The following PDCD1LG2 variants were observed in gnomAD, a reference collection of about 807,000 sequenced individuals.
The protein encoded by PDCD1LG2 is B7 dendritic cell molecule.
In PDCD1LG2, 32 loss-of-function variants were observed where a neutral mutation model predicts 28.2. That is an observed-to-expected ratio of 1.13 (90% CI 0.86 to 1.52). PDCD1LG2 has a LOEUF of 1.52. Ranked by LOEUF, PDCD1LG2 falls within the 40% of genes most tolerant of loss-of-function variation. The pLI, the probability that PDCD1LG2 is intolerant of heterozygous loss-of-function variation, is 0.00. For missense variants in PDCD1LG2, 385 were observed against 323.8 expected (o/e 1.19, Z -1.45); for synonymous variants, 116 against 120.2 (o/e 0.97, Z 0.23).
At chr9:5,554,035 T>C (rs1009761) in intron 4 of PDCD1LG2, among the ~76,000 whole-genome samples, 49,421 of 151,994 alleles carry the variant, frequency 0.33, 8,394 homozygotes, top group African/African-American at 0.41. Context: ...GGCAGCTCAG[T>C]CACTCCAGGG....
intron 4 of PDCD1LG2, among the ~76,000 whole-genome samples, chr9:5,550,753 G>C (rs1015611474): frequency 2.0e-5 from 3 of 151,806 alleles, no homozygotes; most frequent in African/African-American, 7.3e-5. Context: ...GAATGCAGTG[G>C]CACGATCCCG....
intron 4 of PDCD1LG2, among the ~76,000 whole-genome samples, chr9:5,554,263 T>A (rs753254928): frequency 6.6e-6 from 1 of 152,182 alleles, no homozygotes; most frequent in Non-Finnish European, 1.5e-5. Flanking sequence ...GGAGATTCCA[T>A]CTTAGATAAT....
chr9:5,518,523 C>G (rs184914018), intron 1 of PDCD1LG2, among the ~76,000 whole-genome samples: 3 of 152,354 alleles, frequency 2.0e-5, no homozygotes, highest in Admixed American at 2.0e-4. Flanking sequence ...TGATACCTTT[C>G]TTGGATATAT....
rs2129794260 is a variant in PDCD1LG2 at position 5,534,907 on chromosome 9, C to T, written c.218C>T (p.Ala73Val). Residue 73 changes from alanine (A) to valine (V), a missense_variant, in exon 3 of 7, where the codon GCC (alanine) becomes GTC (valine). Coordinates refer to ENST00000397747, the MANE Select transcript of PDCD1LG2 (RefSeq NM_025239.4). ...ENDTSPHRER[A>V]TLLEEQLPLG... is the part of the protein sequence containing the mutation. The stretch of plus-strand genomic sequence containing the variant: ...GATACATCCCCACACCGTGAAAGAG[C>T]CACTTTGCTGGAGGAGCAGCTGCCC... 3 of 1,614,106 alleles carry T rather than the reference C, an allele frequency of 1.9e-6. No individual in the cohort carries two copies. Among genetic ancestry groups the T allele is most frequent in the Non-Finnish European group, 2.5e-6 (3 of 1,180,014 alleles).
Position 5,570,361 on chromosome 9 carries a change from G to C in PDCD1LG2, c.*402G>C, listed in dbSNP as rs190747810. On this transcript the variant is annotated 3_prime_UTR_variant, in exon 7 of 7. Transcript: ENST00000397747. ...TTCCAGTAACAGAAACAGATGGGTT[G>C]CCAATAGAGTTATTTTTTATCTATA... 2 of 249,540 alleles carry C rather than the reference G, an allele frequency of 8.0e-6. No homozygotes were observed. The highest frequency in any genetic ancestry group is 1.6e-5 in the Non-Finnish European group (2 of 128,048). The allele number at this position is 249,540 out of a possible 1,614,324, so 15.5% of individuals were successfully genotyped here.
intron 2 of PDCD1LG2, among the ~76,000 whole-genome samples, chr9:5,525,857 GCC>G (rs1820366062): frequency 2.0e-5 from 3 of 151,948 alleles, no homozygotes; most frequent in Admixed American, 2.0e-4. Context: ...GACCAGCCTG[GCC>G]CGCATGGTGA....
intron 6 of PDCD1LG2, among the ~76,000 whole-genome samples, chr9:5,564,212 A>C (rs1392744951): frequency 6.6e-6 from 1 of 152,222 alleles, no homozygotes; most frequent in Non-Finnish European, 1.5e-5. Flanking sequence ...ATACCTGTTC[A>C]TGCATGAACA....
At chr9:5,568,631 T>A (rs935163702) in intron 6 of PDCD1LG2, among the ~76,000 whole-genome samples, 2 of 152,186 alleles carry the variant, frequency 1.3e-5, no homozygotes, top group Non-Finnish European at 1.5e-5. Flanking sequence ...AGCTCTCAAA[T>A]TATCCCTATG....
At chr9:5,567,835 G>A (rs559923402) in intron 6 of PDCD1LG2, among the ~76,000 whole-genome samples, 21 of 152,328 alleles carry the variant, frequency 1.4e-4, no homozygotes, top group African/African-American at 4.6e-4. Flanking sequence ...AAGTATTACC[G>A]ATAAGGTACT....
At position 5,570,779 on chromosome 9, in the gene PDCD1LG2, T is replaced by C. The variant is rs1816755409; in HGVS notation, c.*820T>C. On this transcript the variant is annotated 3_prime_UTR_variant, in exon 7 of 7. Coordinates refer to ENST00000397747, the MANE Select transcript of PDCD1LG2 (RefSeq NM_025239.4). ...TGTATCTGCAGCAATTTCAGATAAGTAGCTAAAATGGCCAAAGCCCCAAAC... is the reference window on the plus strand; with the variant it reads ...TGTATCTGCAGCAATTTCAGATAAGCAGCTAAAATGGCCAAAGCCCCAAAC... 1 of 232,492 alleles carries C rather than the reference T, an allele frequency of 4.3e-6. No homozygotes were observed. The highest frequency in any genetic ancestry group is 8.5e-6 in the Non-Finnish European group (1 of 117,686). The allele number at this position is 232,492 out of a possible 1,614,324, so 14.4% of individuals were successfully genotyped here. A position where few individuals can be genotyped will look rare whatever the true frequency, so the allele number is the denominator to read the frequency against.
chr9:5,547,919 C>T (rs974826388), intron 3 of PDCD1LG2, among the ~76,000 whole-genome samples: 4 of 133,256 alleles, frequency 3.0e-5, no homozygotes, highest in African/African-American at 8.9e-5. Context: ...GCCTGGGTGA[C>T]GAGCGAAACT....
At chr9:5,522,677 G>C (rs2129727668) in intron 2 of PDCD1LG2, 76 bp downstream of exon 2, 1 of 1,346,832 alleles carries the variant, frequency 7.4e-7, no homozygotes, top group Non-Finnish European at 1.1e-6. Context: ...AAATGAGAAT[G>C]TGGCCCTCAG....
At position 5,549,467 on chromosome 9, in the gene PDCD1LG2, G is replaced by A; in HGVS notation, c.494G>A (p.Ser165Asn). Residue 165 changes from serine (S) to asparagine (N), a missense_variant, in exon 4 of 7, where the codon AGC (serine) becomes AAC (asparagine). By Grantham distance (46) the Ser-to-Asn change is conservative. Transcript: ENST00000397747. ...WPNVSVPANT[S>N]HSRTPEGLYQ... The stretch of plus-strand genomic sequence containing the variant: ...AACGTCAGCGTTCCTGCCAACACCA[G>A]CCACTCCAGGACCCCTGAAGGCCTC... The A allele has an allele frequency of 6.2e-7, 1 of 1,614,152 alleles. No individual in the cohort carries two copies. Among genetic ancestry groups the A allele is most frequent in the South Asian group, 1.1e-5 (1 of 91,092 alleles).
chr9:5,538,695 G>GAA (rs530647859), intron 3 of PDCD1LG2, among the ~76,000 whole-genome samples: 1 of 90,168 alleles, frequency 1.1e-5, no homozygotes. Flanking sequence ...CTCAAAAAAA[G>GAA]AAAAAAAAAA....
intron 6 of PDCD1LG2, among the ~76,000 whole-genome samples, chr9:5,567,543 G>C (rs1202985305): frequency 6.6e-6 from 1 of 152,194 alleles, no homozygotes; most frequent in Non-Finnish European, 1.5e-5. Flanking sequence ...AGTTATTACA[G>C]TCATCAAGCC....
intron 5 of PDCD1LG2, among the ~76,000 whole-genome samples, chr9:5,559,059 C>A (rs886689711): frequency 6.6e-6 from 1 of 152,166 alleles, no homozygotes; most frequent in African/African-American, 2.4e-5. Flanking sequence ...CCTGAGGACT[C>A]CTTAATAACT....
Position 5,535,009 on chromosome 9 carries a change from G to C in PDCD1LG2, c.320G>C (p.Gly107Ala), listed in dbSNP as rs1284386383. ...CAGTACCAATGCATAATCATCTATGGGGTCGCCTGGGACTACAAGTACCTG... is the reference window on the plus strand; with the variant it reads ...CAGTACCAATGCATAATCATCTATGCGGTCGCCTGGGACTACAAGTACCTG... ...EGQYQCIIIY[G>A]VAWDYKYLTL... Residue 107 changes from glycine (G) to alanine (A), a missense_variant, in exon 3 of 7, where the codon GGG (glycine) becomes GCG (alanine). Gly to Ala is a moderately conservative substitution (Grantham distance 60). Coordinates refer to ENST00000397747, the MANE Select transcript of PDCD1LG2 (RefSeq NM_025239.4). The C allele has an allele frequency of 1.2e-6, 2 of 1,613,442 alleles. No individual in the cohort carries two copies. Among genetic ancestry groups the C allele is most frequent in the Admixed American group, 1.7e-5 (1 of 60,002 alleles).
At chr9:5,558,239 T>G (rs929040019) in intron 5 of PDCD1LG2, among the ~76,000 whole-genome samples, 1 of 152,186 alleles carries the variant, frequency 6.6e-6, no homozygotes, top group Non-Finnish European at 1.5e-5. Flanking sequence ...GTGAGGCCAT[T>G]TGGGGATAAG....
At chr9:5,522,161 C>G (rs763789215) in intron 1 of PDCD1LG2, among the ~76,000 whole-genome samples, 1 of 149,812 alleles carries the variant, frequency 6.7e-6, no homozygotes, top group East Asian at 2.1e-4. Context: ...AGATGGTGTC[C>G]ATTATTCATT....
Sources: allele counts gnomAD v4.1 joint callset (sites outside exome capture counted in the v4.1 genomes callset), GRCh38; gene constraint gnomAD v4.1.1; transcripts MANE v1.5; gene names NCBI Gene and HGNC (gene_info 2026-07-23, HGNC 2026-07-21).